Variants in LRRTM4 observed in about 807,000 individuals in gnomAD.
The protein encoded by LRRTM4 is leucine-rich repeat transmembrane neuronal protein 4.
A neutral mutation model predicts 47.6 loss-of-function variants in LRRTM4; 25 were observed. The observed-to-expected ratio is 0.53, with a 90% CI of 0.38 to 0.73. LRRTM4 has a LOEUF of 0.73. LRRTM4 is among the 30% of genes least tolerant of loss of function. The pLI is 0.00. For synonymous variants in LRRTM4, 311 were observed against 269.5 expected, an observed-to-expected ratio of 1.15 and a Z score of -1.51; for missense variants, 638 against 713.4, an observed-to-expected ratio of 0.89 and a Z score of 1.20.
At chr2:77,221,755 T>C (rs924036499) in intron 3 of LRRTM4, among the ~76,000 whole-genome samples, 7 of 151,978 alleles carry the variant, frequency 4.6e-5, no homozygotes, top group African/African-American at 9.7e-5. Flanking sequence ...ACAATAATAA[T>C]GGGAGACTTT....
At chr2:76,973,003 A>G (rs529208200) in intron 3 of LRRTM4, among the ~76,000 whole-genome samples, 1 of 152,226 alleles carries the variant, frequency 6.6e-6, no homozygotes, top group Admixed American at 6.5e-5. Flanking sequence ...ATTTTAAAAG[A>G]CTTTACCATT....
chr2:77,006,358 A>T (rs950870388), intron 3 of LRRTM4, among the ~76,000 whole-genome samples: 1 of 152,196 alleles, frequency 6.6e-6, no homozygotes, highest in African/African-American at 2.4e-5. Flanking sequence ...TTACTAAATC[A>T]CATACTAAAG....
In LRRTM4 at chr2:76,901,540, G is replaced by A. The variant is rs192600648; in HGVS notation, c.1552-152624C>T. Among the ~76,000 whole-genome samples the A allele has an allele frequency of 2.9e-4, 44 of 151,916 alleles. 1 individual carries two copies. Among genetic ancestry groups the A allele is most frequent in the Non-Finnish European group, 3.8e-4 (26 of 68,010 alleles). On this transcript the variant is annotated intron_variant, in intron 3 of 3. Transcript: ENST00000409884. The stretch of plus-strand genomic sequence containing the variant: ...CATTCCCGCCCATTTTGCTGACCAT[G>A]GAAGGCTCAGAGAAAACCTCTTAGT...
At chr2:77,287,168 A>T (rs1676688936) in intron 3 of LRRTM4, among the ~76,000 whole-genome samples, 1 of 151,994 alleles carries the variant, frequency 6.6e-6, no homozygotes, top group Admixed American at 6.6e-5. Context: ...AAGCCCGTGT[A>T]GGTTACTGAG....
chr2:77,330,890 T>C (rs1174760689), intron 3 of LRRTM4, among the ~76,000 whole-genome samples: 1 of 152,146 alleles, frequency 6.6e-6, no homozygotes, highest in Non-Finnish European at 1.5e-5. Context: ...TCTTAAGTTA[T>C]GGGTATAGAA....
intron 3 of LRRTM4, among the ~76,000 whole-genome samples, chr2:77,053,259 ATAC>A (rs1470928515): frequency 2.0e-5 from 3 of 152,222 alleles, no homozygotes; most frequent in African/African-American, 7.2e-5. Context: ...ATCACTGCAA[ATAC>A]TTAAATCCAA....
At chr2:76,915,677 A>G (rs1674218118) in intron 3 of LRRTM4, among the ~76,000 whole-genome samples, 1 of 152,132 alleles carries the variant, frequency 6.6e-6, no homozygotes, top group Admixed American at 6.5e-5. Flanking sequence ...ACCATCTCAA[A>G]TTTTCTAGGA....
rs551794905 is a variant in LRRTM4 at position 77,271,105 on chromosome 2, G to A, written c.1551+247213C>T. On this transcript the variant is annotated intron_variant, in intron 3 of 3. Transcript: ENST00000409884. ...CATACCCTCTGCAGGTCCCCTCTCC[G>A]CTGACAGCCATTTTCATCAGTCAAT... Among the ~76,000 whole-genome samples, 15 of 152,094 alleles carry A rather than the reference G, an allele frequency of 9.9e-5. No individual in the cohort carries two copies. The South Asian group carries it at 1.0e-3, about 11-fold the overall frequency.
At chr2:77,234,624 T>C (rs1201248482) in intron 3 of LRRTM4, among the ~76,000 whole-genome samples, 1 of 152,234 alleles carries the variant, frequency 6.6e-6, no homozygotes, top group African/African-American at 2.4e-5. Context: ...ATGACTGATT[T>C]AATCTTGTCT....
chr2:77,394,172 G>C (rs1430533321), intron 3 of LRRTM4, among the ~76,000 whole-genome samples: 1 of 151,542 alleles, frequency 6.6e-6, no homozygotes, highest in Non-Finnish European at 1.5e-5. Flanking sequence ...ACTATAAACA[G>C]CTGCTGAAAA....
chr2:77,132,150 A>T, intron 3 of LRRTM4, among the ~76,000 whole-genome samples: 1 of 152,132 alleles, frequency 6.6e-6, no homozygotes, highest in Non-Finnish European at 1.5e-5. Context: ...CTCAACCCAT[A>T]CAGTCTTTCC....
Position 77,518,851 on chromosome 2 carries a change from C to G in LRRTM4, c.1018G>C (p.Ala340Pro). 6.2e-7 allele frequency: 1 copy of G among 1,608,440 alleles called. No individual in the cohort carries two copies. ...TCACCCTGGATGTGCTTAGGTCCCG[C>G]ACATATCATGGTGCTTTCCTTATTT... ...KGNKESTMIC[A>P]GPKHIQGEKV... Residue 340 changes from alanine (A) to proline (P), a missense_variant, in exon 3 of 4, where the codon GCG becomes CCG. Transcript: ENST00000409884.
chr2:76,980,289 A>G (rs937979106), intron 3 of LRRTM4, among the ~76,000 whole-genome samples: 6 of 152,192 alleles, frequency 3.9e-5, no homozygotes, highest in African/African-American at 1.4e-4. Context: ...AGATACCACT[A>G]TCTCTAGTTT....
At chr2:76,813,991 T>G (rs1246593577) in intron 3 of LRRTM4, among the ~76,000 whole-genome samples, 1 of 152,146 alleles carries the variant, frequency 6.6e-6, no homozygotes, top group Non-Finnish European at 1.5e-5. Context: ...TGTTTAGCTT[T>G]TATATCTCCT....
At chr2:77,415,268 A>G (rs1476825855) in intron 3 of LRRTM4, among the ~76,000 whole-genome samples, 1 of 152,186 alleles carries the variant, frequency 6.6e-6, no homozygotes, top group African/African-American at 2.4e-5. Context: ...TACATGTAAC[A>G]GACTTCTCTT....
chr2:76,896,079 T>A (rs564273519), intron 3 of LRRTM4, among the ~76,000 whole-genome samples: 56 of 152,038 alleles, frequency 3.7e-4, no homozygotes, highest in Admixed American at 1.6e-3. Context: ...ACCATAGATA[T>A]TAAAGATCAT....
chr2:77,482,040 A>T (rs1025113338), intron 3 of LRRTM4, among the ~76,000 whole-genome samples: 1 of 152,216 alleles, frequency 6.6e-6, no homozygotes, highest in African/African-American at 2.4e-5. Flanking sequence ...AGATGAAGAC[A>T]ATAAGAAATG....
chr2:77,150,069 A>C (rs1248362647), intron 3 of LRRTM4, among the ~76,000 whole-genome samples: 2 of 152,158 alleles, frequency 1.3e-5, no homozygotes, highest in Non-Finnish European at 2.9e-5. Flanking sequence ...TTTAGTAAAG[A>C]ATAGAAGAGC....
At chr2:77,003,327 A>G (rs184325966) in intron 3 of LRRTM4, among the ~76,000 whole-genome samples, 11 of 152,180 alleles carry the variant, frequency 7.2e-5, no homozygotes, top group Admixed American at 5.9e-4. Flanking sequence ...AGAGCTTATA[A>G]TATACTAGGA....
Sources: gnomAD v4.1 joint callset for allele counts (sites outside exome capture counted in the v4.1 genomes callset) on GRCh38, gnomAD v4.1.1 for gene constraint, MANE v1.5 for transcripts, NCBI Gene and HGNC (gene_info 2026-07-23, HGNC 2026-07-21) for gene names.